WDR27: variants seen among roughly 807,000 people sequenced by gnomAD.
WDR27 encodes the protein WD repeat domain 27, also known as WD repeat-containing protein 27.
WDR27 carries 100 observed loss-of-function variants against 114.4 expected under a neutral mutation model. The ratio of observed to expected loss-of-function variants is 0.87; its 90% CI spans 0.74 to 1.03. The LOEUF (loss-of-function observed/expected upper bound fraction) is 1.03. Ranked by LOEUF, WDR27 falls within the 50% of genes least tolerant of loss-of-function variation. WDR27 has a pLI of 0.00. For synonymous variants in WDR27, 449 were observed against 423.1 expected (o/e 1.06, Z -0.75); for missense variants, 1,129 against 1,092.9 (o/e 1.03, Z -0.47).
chr6:169,600,220 C>T (rs1163476414), intron 23 of WDR27, among the ~76,000 whole-genome samples: 1 of 152,040 alleles, frequency 6.6e-6, no homozygotes, highest in Admixed American at 6.6e-5. Context: ...GTGTGGACCT[C>T]CAGCAAACTC....
intron 25 of WDR27, among the ~76,000 whole-genome samples, chr6:169,507,792 G>A (rs1792198431): frequency 6.6e-6 from 1 of 152,166 alleles, no homozygotes; most frequent in African/African-American, 2.4e-5. Context: ...ACATCCTCTT[G>A]AGTACATATT....
chr6:169,432,983 C>T, the WDR27 span, among the ~76,000 whole-genome samples: 3 of 152,150 alleles, frequency 2.0e-5, no homozygotes, highest in African/African-American at 7.2e-5. Flanking sequence ...CTGATAATGA[C>T]ATGGATAATA....
At chr6:169,657,520 A>G (rs903189096) in intron 13 of WDR27, among the ~76,000 whole-genome samples, 1 of 152,214 alleles carries the variant, frequency 6.6e-6, no homozygotes, top group Non-Finnish European at 1.5e-5. Flanking sequence ...TACCAGGCAG[A>G]AGGTGAAAGG....
chr6:169,690,162 C>A (rs745315942), intron 1 of WDR27, among the ~76,000 whole-genome samples: 11 of 151,914 alleles, frequency 7.2e-5, no homozygotes, highest in Non-Finnish European at 1.3e-4. Flanking sequence ...AGGATCCACC[C>A]ATTAGGCCCT....
intron 13 of WDR27, among the ~76,000 whole-genome samples, chr6:169,653,312 T>C (rs1433967471): frequency 6.6e-6 from 1 of 152,238 alleles, no homozygotes; most frequent in Non-Finnish European, 1.5e-5. Flanking sequence ...TCCTTTGTTA[T>C]TAATTAAGCA....
At chr6:169,439,002 G>GT in the WDR27 span, among the ~76,000 whole-genome samples, 2 of 152,040 alleles carry the variant, frequency 1.3e-5, no homozygotes, top group African/African-American at 4.8e-5. Flanking sequence ...AATGTTTTAA[G>GT]TTTTTTTAAC....
chr6:169,622,175 G>C (rs775506463), intron 21 of WDR27, among the ~76,000 whole-genome samples: 1 of 152,148 alleles, frequency 6.6e-6, no homozygotes, highest in Admixed American at 6.5e-5. Flanking sequence ...CCTTTGCTTC[G>C]AGTTGTCCCA....
downstream of WDR27, among the ~76,000 whole-genome samples, chr6:169,453,901 G>A (rs1038791948): frequency 6.6e-6 from 1 of 152,122 alleles, no homozygotes; most frequent in Non-Finnish European, 1.5e-5. Flanking sequence ...CTGTCCACTG[G>A]AGAACTATCT....
chr6:169,615,068 A>T lies in WDR27; in HGVS notation c.2224-1412T>A, dbSNP rs566284756. ...GAAGAAGAAATAAAAAAACAAAGAA[A>T]ATTCAGGATAAGTAGAAAGCGAAGA... On this transcript the variant is annotated intron_variant, in intron 21 of 25. Coordinates refer to ENST00000448612, the MANE Select transcript of WDR27 (RefSeq NM_182552.5). Among the ~76,000 whole-genome samples the T allele has an allele frequency of 5.9e-5, 9 of 152,326 alleles. No homozygotes were observed. The South Asian group carries it at 1.9e-3, about 32-fold the overall frequency.
the WDR27 span, among the ~76,000 whole-genome samples, chr6:169,446,808 A>G: frequency 1.3e-5 from 2 of 152,210 alleles, no homozygotes; most frequent in African/African-American, 4.8e-5. Flanking sequence ...GGTTATTAAC[A>G]TTATTAATAG....
intron 24 of WDR27, among the ~76,000 whole-genome samples, chr6:169,574,755 G>A (rs2050060): frequency 0.58 from 87,430 of 152,014 alleles, 27,437 homozygotes; most frequent in Non-Finnish European, 0.69. Flanking sequence ...CCTCAGTCCC[G>A]ACACCACAGA....
At chr6:169,682,137 G>A (rs1468219904) in intron 2 of WDR27, among the ~76,000 whole-genome samples, 2 of 152,134 alleles carry the variant, frequency 1.3e-5, no homozygotes, top group African/African-American at 4.8e-5. Context: ...GCTGCAGTTG[G>A]GAAACTATCT....
intron 2 of WDR27, among the ~76,000 whole-genome samples, chr6:169,673,253 G>C (rs1779216853): frequency 6.6e-6 from 1 of 152,120 alleles, no homozygotes; most frequent in Admixed American, 6.6e-5. Context: ...ATAGTAAGCT[G>C]AGATGCTTAT....
intron 1 of WDR27, among the ~76,000 whole-genome samples, 164 bp downstream of exon 1, chr6:169,701,387 T>C (rs1171256401): frequency 1.3e-5 from 2 of 152,178 alleles, no homozygotes; most frequent in African/African-American, 4.8e-5. Context: ...TGGGGCATAA[T>C]TAACGAGCCC....
At chr6:169,629,487 T>C (rs1174449751) in intron 21 of WDR27, among the ~76,000 whole-genome samples, 1 of 152,204 alleles carries the variant, frequency 6.6e-6, no homozygotes, top group Non-Finnish European at 1.5e-5. Context: ...AAATAAATTA[T>C]AATTGGCTTT....
At chr6:169,583,882 ATATCT>A (rs376760570) in intron 23 of WDR27, among the ~76,000 whole-genome samples, 274 of 152,282 alleles carry the variant, frequency 1.8e-3, no homozygotes, top group Non-Finnish European at 3.2e-3. Flanking sequence ...GTGGACTCTC[ATATCT>A]ATCATCTCAC....
chr6:169,486,604 G>A (rs1264599335), intron 25 of WDR27, among the ~76,000 whole-genome samples: 1 of 152,152 alleles, frequency 6.6e-6, no homozygotes, highest in African/African-American at 2.4e-5. Flanking sequence ...CAATTCTCCT[G>A]CCTCAGCCTC....
intron 25 of WDR27, among the ~76,000 whole-genome samples, chr6:169,552,186 A>G (rs1019107967): frequency 6.6e-6 from 1 of 152,088 alleles, no homozygotes; most frequent in Non-Finnish European, 1.5e-5. Flanking sequence ...ACCACCCGGC[A>G]GTCATGCAGC....
intron 23 of WDR27, among the ~76,000 whole-genome samples, chr6:169,599,883 T>G (rs1807597903): frequency 6.6e-6 from 1 of 152,160 alleles, no homozygotes; most frequent in Non-Finnish European, 1.5e-5. Context: ...TTTCCTGCTT[T>G]CTCTTGTGGG....
Sources: gnomAD v4.1 joint callset for allele counts (sites outside exome capture counted in the v4.1 genomes callset) on GRCh38, gnomAD v4.1.1 for gene constraint, MANE v1.5 for transcripts, NCBI Gene and HGNC (gene_info 2026-07-23, HGNC 2026-07-21) for gene names.